The following PPL variants were observed in gnomAD, a reference collection of about 807,000 sequenced individuals.
The protein encoded by PPL is 190 kDa paraneoplastic pemphigus antigen.
In PPL, 198 loss-of-function variants were observed where a neutral mutation model predicts 194.4. That is an observed-to-expected ratio of 1.02 (90% CI 0.91 to 1.15). The LOEUF is 1.15. Among genes scored for constraint, PPL ranks in the 50% most tolerant of loss-of-function variants. PPL has a pLI of 0.00. For missense variants in PPL, 2,885 were observed against 2,294.8 expected (o/e 1.26, Z -5.25); for synonymous variants, 1,220 against 972.4 (o/e 1.25, Z -4.74).
At chr16:4,928,035 G>T (rs900890307) in intron 1 of PPL, among the ~76,000 whole-genome samples, 2 of 152,228 alleles carry the variant, frequency 1.3e-5, no homozygotes, top group African/African-American at 2.4e-5. Flanking sequence ...GCTCACTGCA[G>T]CTTTGAATTC....
chr16:4,905,410 T>C (rs1287992971), intron 2 of PPL, among the ~76,000 whole-genome samples: 1 of 152,124 alleles, frequency 6.6e-6, no homozygotes, highest in East Asian at 1.9e-4. Context: ...GGAAAGTCAC[T>C]GTCTCTTAAG....
chr16:4,888,020 G>T, intron 20 of PPL, 82 bp downstream of exon 20: 1 of 974,410 alleles, frequency 1.0e-6, no homozygotes, highest in Non-Finnish European at 1.6e-6. Context: ...TCTGAGGCCA[G>T]CGTGTGACAC....
At chr16:4,890,955 G>GGCCAGAGCT in intron 16 of PPL, 34 bp from the exon 17 acceptor site, 1 of 1,478,344 alleles carries the variant, frequency 6.8e-7, no homozygotes, top group Non-Finnish European at 9.0e-7. Flanking sequence ...GCGGTGCTAC[G>GGCCAGAGCT]GCCAGAGCTC....
chr16:4,901,768 C>T (rs1207768108), intron 4 of PPL, among the ~76,000 whole-genome samples: 3 of 150,358 alleles, frequency 2.0e-5, no homozygotes, highest in Non-Finnish European at 3.0e-5. Flanking sequence ...GGCAAAGCCC[C>T]GTCTCTATAA....
chr16:4,885,969 T>G lies in PPL; in HGVS notation c.2686A>C (p.Arg896=). ...TCAGTCTCCTCATCCAGTTCCTTCC[T>G]GATCTTCCACGCCTCCTCCACTCCA... ...DSGVEEAWKI[R]KELDEETERR... is the part of the protein sequence containing the mutation. The change falls in exon 22 of 22, where the codon AGG becomes CGG. Residue 896 remains arginine, a synonymous_variant. Coordinates refer to ENST00000345988, the MANE Select transcript of PPL (RefSeq NM_002705.5). The surrounding 1 kb of genome is among the most constrained non-coding windows in gnomAD (Gnocchi z 6.3). 1 of 1,613,804 alleles carries G rather than the reference T, an allele frequency of 6.2e-7. No individual in the cohort carries two copies. Among genetic ancestry groups the G allele is most frequent in the Non-Finnish European group, 8.5e-7 (1 of 1,180,044 alleles).
chr16:4,885,048 G>C lies in PPL; in HGVS notation c.3607C>G (p.Arg1203Gly). 6.2e-7 allele frequency: 1 copy of C among 1,613,410 alleles called. No individual in the cohort carries two copies. The highest frequency in any genetic ancestry group is 8.5e-7 in the Non-Finnish European group (1 of 1,179,998). The change falls in exon 22 of 22, where the codon CGG becomes GGG. Residue 1203 changes from arginine to glycine, a missense_variant. Arg to Gly is a moderately radical substitution (Grantham distance 125, BLOSUM62 -2). Coordinates refer to ENST00000345988, the MANE Select transcript of PPL (RefSeq NM_002705.5). The surrounding 1 kb of genome is among the most constrained non-coding windows in gnomAD (Gnocchi z 6.3). The stretch of plus-strand genomic sequence containing the variant: ...CTCCGGAGCTGCTCCTCGGCACCCC[G>C]GTACTTTCGCTCCTGCTCCACAAGC... ...LELVEQERKY[R>G]GAEEQLRSYQ...
rs747612642 is a variant in PPL, at chr16:4,884,082, CCT to C, written c.4571_4572del (p.Glu1524GlyfsTer27). On this transcript the variant is annotated frameshift_variant, in exon 22 of 22. Coordinates refer to ENST00000345988, the MANE Select transcript of PPL (RefSeq NM_002705.5). LOFTEE classifies it high-confidence loss of function. The surrounding 1 kb of genome is among the most constrained non-coding windows in gnomAD (Gnocchi z 5.7). ...QEIQRLKSSLEEESRSKRELD... is the reference protein window; with the variant it reads ...QEIQRLKSSLXEESRSKRELD... The stretch of plus-strand genomic sequence containing the variant: ...AGCTCGCGCTTGCTGCGGCTCTCCT[CCT>C]CCAGGCTGCTCTTGAGCCTCTGGAT... 3.7e-6 allele frequency: 6 copies of C among 1,613,158 alleles called. No individual in the cohort carries two copies. The South Asian group carries it at 6.6e-5, about 18-fold the overall frequency.
At chr16:4,908,422 T>TTCTCTCTCTC (rs58737308) in intron 2 of PPL, among the ~76,000 whole-genome samples, 11,157 of 148,312 alleles carry the variant, frequency 0.075, 641 homozygotes, top group East Asian at 0.24. Flanking sequence ...TCTTCCTTCT[T>TTCTCTCTCTC]TCTCTCTCTC....
At chr16:4,913,894 C>A (rs1271561231) in intron 1 of PPL, among the ~76,000 whole-genome samples, 3 of 152,152 alleles carry the variant, frequency 2.0e-5, no homozygotes, top group Non-Finnish European at 4.4e-5. Flanking sequence ...CTGCACCTCA[C>A]AAAGACAAGC....
At chr16:4,916,209 T>C (rs4479227) in intron 1 of PPL, among the ~76,000 whole-genome samples, 124,146 of 152,132 alleles carry the variant, frequency 0.82, 53,120 homozygotes, top group East Asian at 0.99. Flanking sequence ...TTTTTTTATT[T>C]TTATTACTTA....
At chr16:4,889,931 C>A (rs2088288217) in intron 18 of PPL, among the ~76,000 whole-genome samples, 1 of 152,256 alleles carries the variant, frequency 6.6e-6, no homozygotes, top group African/African-American at 2.4e-5. Flanking sequence ...ACATAGCCAA[C>A]CCACGCCAAG....
At chr16:4,908,782 C>A (rs1390214897) in intron 2 of PPL, among the ~76,000 whole-genome samples, 1 of 152,208 alleles carries the variant, frequency 6.6e-6, no homozygotes, top group Non-Finnish European at 1.5e-5. Flanking sequence ...CTCAGGTGAT[C>A]TGCCTGCCTA....
intron 2 of PPL, among the ~76,000 whole-genome samples, chr16:4,909,345 G>A (rs1023673466): frequency 1.3e-5 from 2 of 152,004 alleles, no homozygotes; most frequent in Non-Finnish European, 2.9e-5. Flanking sequence ...GCTGGGCCTG[G>A]GGACAGCAGC....
rs995135225 is a variant in PPL, at chr16:4,910,940, G to A, written c.72C>T (p.Asn24=). The change falls in exon 2 of 22, where the codon AAC becomes AAT. Residue 24 remains asparagine (N), a synonymous_variant. Coordinates refer to ENST00000345988, the MANE Select transcript of PPL (RefSeq NM_002705.5). ...SPTVQTRSIS[N]KELSELIEQL... ...GCTCGATCAGCTCCGAGAGCTCCTT[G>A]TTAGAGATGCTGCGGGCAGAAGCCG... The A allele has an allele frequency of 2.5e-5, 40 of 1,612,410 alleles. No individual in the cohort carries two copies. In the African/African-American group the frequency reaches 4.3e-4, roughly 17 times the overall value.
chr16:4,924,254 G>C (rs984067646), intron 1 of PPL, among the ~76,000 whole-genome samples: 1 of 152,140 alleles, frequency 6.6e-6, no homozygotes, highest in Non-Finnish European at 1.5e-5. Context: ...TGATCAATTT[G>C]ACAGGTGGTC....
chr16:4,884,356 T>C lies in PPL; in HGVS notation c.4299A>G (p.Glu1433=). 1 of 1,612,428 alleles carries C rather than the reference T, an allele frequency of 6.2e-7. No homozygotes were observed. Among genetic ancestry groups the C allele is most frequent in the African/African-American group, 1.3e-5 (1 of 74,948 alleles). ...TTACCTTCTCACGGGCCTCAGCTTC[T>C]TCCTGCTCCAGCGCTGCCAGCCGCT... ...LQQRLAALEQ[E]EAEAREKVTH... Residue 1433 remains glutamate (E), a synonymous_variant, in exon 22 of 22, where the codon GAA becomes GAG. Transcript: ENST00000345988. This position sits in a 1 kb window ranked among gnomAD's most constrained non-coding sequence, Gnocchi z 5.7.
intron 2 of PPL, among the ~76,000 whole-genome samples, chr16:4,904,484 T>C (rs999101371): frequency 2.0e-5 from 3 of 151,454 alleles, no homozygotes; most frequent in African/African-American, 7.3e-5. Context: ...GCTCCAGAGG[T>C]GGAACGAGGG....
chr16:4,894,755 G>C, intron 11 of PPL, 137 bp from the exon 12 acceptor site: 1 of 975,868 alleles, frequency 1.0e-6, no homozygotes, highest in Non-Finnish European at 1.5e-6. Flanking sequence ...GAGTGGGGAG[G>C]GGCATGCAGG....
chr16:4,890,897 GGGCCTGTAACTCACA>G lies in PPL; in HGVS notation c.1978_1992del (p.Cys660_Ala664del). On this transcript the variant is annotated inframe_deletion, in exon 17 of 22. Coordinates refer to ENST00000345988, the MANE Select transcript of PPL (RefSeq NM_002705.5). ...TCCACCTCACCCAGGAGGGACTTCT[GGGCCTGTAACTCACA>G]GGCCATGGCCTGGCGGGGCAGAGGA... The G allele has an allele frequency of 6.5e-7, 1 of 1,534,744 alleles. No homozygotes were observed.
Sources: gnomAD v4.1 joint callset for allele counts (sites outside exome capture counted in the v4.1 genomes callset) on GRCh38, gnomAD v4.1.1 for gene constraint, Gnocchi (gnomAD v3.1) non-coding constraint, MANE v1.5 for transcripts, NCBI Gene and HGNC (gene_info 2026-07-23, HGNC 2026-07-21) for gene names.